The following LIN52 variants were observed in gnomAD, a reference collection of about 807,000 sequenced individuals.
LIN52 encodes the protein protein lin-52 homolog.
A neutral mutation model predicts 18.5 loss-of-function variants in LIN52; 4 were observed. The observed-to-expected ratio is 0.22, with a 90% confidence interval of 0.11 to 0.49. The LOEUF is 0.49. LIN52 is among the 20% of genes least tolerant of loss of function. LIN52 has a pLI of 0.97. For missense variants in LIN52, 102 were observed against 139.5 expected, an observed-to-expected ratio of 0.73 and a Z score of 1.35; for synonymous variants, 34 against 45.5, an observed-to-expected ratio of 0.75 and a Z score of 1.02.
chr14:74,134,117 CT>C (rs1170550156), intron 5 of LIN52, among the ~76,000 whole-genome samples: 1 of 152,164 alleles, frequency 6.6e-6, no homozygotes, highest in African/African-American at 2.4e-5. Context: ...TTCTGGCTGT[CT>C]GAGGTTTCCG....
chr14:74,160,938 G>T (rs1045123804), intron 5 of LIN52, among the ~76,000 whole-genome samples: 2 of 152,112 alleles, frequency 1.3e-5, no homozygotes, highest in Admixed American at 6.5e-5. Context: ...TTGCGTTCTC[G>T]TCAGCCACTA....
chr14:74,190,908 C>T (rs1186406666), intron 5 of LIN52, among the ~76,000 whole-genome samples: 1 of 152,240 alleles, frequency 6.6e-6, no homozygotes, highest in Non-Finnish European at 1.5e-5. Flanking sequence ...AAGACCCGTC[C>T]TCATCCAGTG....
chr14:74,195,241 A>G (rs957525084), intron 5 of LIN52, among the ~76,000 whole-genome samples: 2 of 152,212 alleles, frequency 1.3e-5, no homozygotes, highest in Non-Finnish European at 2.9e-5. Context: ...TCTATATAAT[A>G]TAATACATTA....
chr14:74,195,575 T>TGC (rs1555385488), intron 5 of LIN52, among the ~76,000 whole-genome samples: 2,467 of 151,660 alleles, frequency 0.016, 67 homozygotes, highest in African/African-American at 0.054. Context: ...TGTGTGTGTG[T>TGC]GCGCGTGTAG....
chr14:74,108,736 G>T (rs571160665), intron 5 of LIN52, among the ~76,000 whole-genome samples: 3 of 152,064 alleles, frequency 2.0e-5, no homozygotes, highest in Non-Finnish European at 4.4e-5. Context: ...TGTATTGTTT[G>T]TGTTTTTATT....
At chr14:74,091,130 G>A in intron 1 of LIN52, 102 bp from the exon 2 acceptor site, 1 of 731,098 alleles carries the variant, frequency 1.4e-6, no homozygotes. Context: ...CATATCTCTA[G>A]ACTTCCAGGT....
chr14:74,144,612 G>A (rs2061146326), intron 5 of LIN52, among the ~76,000 whole-genome samples: 2 of 18,526 alleles, frequency 1.1e-4, no homozygotes, highest in Admixed American at 8.6e-4. Context: ...TGGCACTTCT[G>A]TGGTAAGTCA....
At chr14:74,124,008 A>C (rs551199059) in intron 5 of LIN52, among the ~76,000 whole-genome samples, 132 of 152,278 alleles carry the variant, frequency 8.7e-4, no homozygotes, top group South Asian at 5.6e-3. Context: ...GATGATTATA[A>C]AATGCTTAGT....
intron 5 of LIN52, among the ~76,000 whole-genome samples, chr14:74,121,160 C>T (rs894339234): frequency 1.3e-5 from 2 of 152,196 alleles, no homozygotes; most frequent in African/African-American, 2.4e-5. Context: ...GTTGTAAATT[C>T]TATCAGCAGA....
At chr14:74,090,299 A>T (rs1288103435) in intron 1 of LIN52, among the ~76,000 whole-genome samples, 1 of 151,330 alleles carries the variant, frequency 6.6e-6, no homozygotes, top group African/African-American at 2.4e-5. Context: ...GATTATAGGC[A>T]TGAGGCACCC....
At chr14:74,113,674 T>C (rs1225421880) in intron 5 of LIN52, among the ~76,000 whole-genome samples, 2 of 152,168 alleles carry the variant, frequency 1.3e-5, no homozygotes, top group Admixed American at 1.3e-4. Flanking sequence ...AAATGTTCTT[T>C]AAAAAGTATC....
chr14:74,093,890 C>T (rs966035261), intron 2 of LIN52, among the ~76,000 whole-genome samples: 1 of 151,824 alleles, frequency 6.6e-6, no homozygotes, highest in Admixed American at 6.6e-5. Flanking sequence ...TCGCTTGAAC[C>T]CGGGAGGCAG....
chr14:74,135,891 GGTTTAT>G lies in LIN52; in HGVS notation c.283+34658_283+34663del, dbSNP rs538302906. On this transcript the variant is annotated intron_variant, in intron 5 of 5. Transcript: ENST00000555028. Reference sequence around the variant, plus strand: ...TTGAGATATCATTCACATACCATAAGGTTTATGTTTGTAAAGTTTAGTGTTCATTGG... The same window carrying G: ...TTGAGATATCATTCACATACCATAAGGTTTGTAAAGTTTAGTGTTCATTGG... Among the ~76,000 whole-genome samples, 29 of 151,576 alleles carry G rather than the reference GGTTTAT, an allele frequency of 1.9e-4. 1 individual carries two copies. The South Asian group carries it at 6.1e-3, about 32-fold the overall frequency.
At chr14:74,136,311 A>G (rs955267245) in intron 5 of LIN52, among the ~76,000 whole-genome samples, 5 of 152,224 alleles carry the variant, frequency 3.3e-5, no homozygotes, top group Non-Finnish European at 7.3e-5. Context: ...GACCAAGTTA[A>G]GGAGTTTCAC....
intron 5 of LIN52, among the ~76,000 whole-genome samples, chr14:74,148,131 T>G (rs1287840468): frequency 6.6e-6 from 1 of 152,180 alleles, no homozygotes; most frequent in East Asian, 1.9e-4. Context: ...AAGGCCTTTT[T>G]TTAATGTGTA....
At chr14:74,125,818 C>T (rs1243036237) in intron 5 of LIN52, among the ~76,000 whole-genome samples, 1 of 139,378 alleles carries the variant, frequency 7.2e-6, no homozygotes, top group Non-Finnish European at 1.5e-5. Context: ...TGTTCTCACT[C>T]ATAGGTGGGA....
chr14:74,186,771 G>T (rs887472210), intron 5 of LIN52, among the ~76,000 whole-genome samples: 4 of 152,034 alleles, frequency 2.6e-5, no homozygotes, highest in Non-Finnish European at 4.4e-5. Flanking sequence ...GCCGAGGCAG[G>T]CGGATCACAA....
chr14:74,114,114 G>A (rs2060948267), intron 5 of LIN52: 1 of 983,696 alleles, frequency 1.0e-6, no homozygotes, highest in African/African-American at 1.8e-5. Context: ...CCAAGTAGCT[G>A]GGACTACAGG....
chr14:74,107,421 C>G (rs549506391), intron 5 of LIN52, among the ~76,000 whole-genome samples: 2 of 152,230 alleles, frequency 1.3e-5, no homozygotes, highest in African/African-American at 4.8e-5. Flanking sequence ...TCCCCATCTT[C>G]TTAGTTCTAC....
Sources: gnomAD v4.1 joint callset for allele counts (sites outside exome capture counted in the v4.1 genomes callset) on GRCh38, gnomAD v4.1.1 for gene constraint, MANE v1.5 for transcripts, NCBI Gene and HGNC (gene_info 2026-07-23, HGNC 2026-07-21) for gene names.